Variants in LTBP1 observed in about 807,000 individuals in gnomAD.
LTBP1 encodes latent-transforming growth factor beta-binding protein 1.
In LTBP1, 129 loss-of-function variants were observed where a neutral mutation model predicts 207.6. That is an observed-to-expected ratio of 0.62 (90% CI 0.54 to 0.72). The LOEUF is 0.72. Among genes scored for constraint, LTBP1 ranks in the 30% least tolerant of loss-of-function variants. The pLI, the probability that LTBP1 is intolerant of heterozygous loss-of-function variation, is 0.00. For synonymous variants in LTBP1, 963 were observed against 833.7 expected, an observed-to-expected ratio of 1.16 and a Z score of -2.67; for missense variants, 2,281 against 2,217.2, an observed-to-expected ratio of 1.03 and a Z score of -0.58.
chr2:33,174,391 G>A (rs1424793456), intron 5 of LTBP1, among the ~76,000 whole-genome samples: 3 of 152,106 alleles, frequency 2.0e-5, no homozygotes, highest in Non-Finnish European at 4.4e-5. Context: ...AATCATGAGT[G>A]AACTCCCATT....
intron 2 of LTBP1, among the ~76,000 whole-genome samples, chr2:32,976,482 G>T (rs1207711542): frequency 1.3e-5 from 2 of 152,242 alleles, no homozygotes; most frequent in African/African-American, 4.8e-5. Context: ...ATTTTGGGCT[G>T]TGAGCCAGTA....
chr2:32,976,575 G>C (rs930231635), intron 2 of LTBP1, among the ~76,000 whole-genome samples: 4 of 152,214 alleles, frequency 2.6e-5, no homozygotes, highest in Non-Finnish European at 4.4e-5. Context: ...GGGTAGGAGT[G>C]CTCTATGTTG....
At chr2:33,033,110 ATATT>A (rs1010742496) in intron 3 of LTBP1, among the ~76,000 whole-genome samples, 1 of 152,220 alleles carries the variant, frequency 6.6e-6, no homozygotes, top group Non-Finnish European at 1.5e-5. Flanking sequence ...TATTTGTTGA[ATATT>A]TACTGTGTGC....
At chr2:33,108,854 T>G (rs1416583167) in intron 3 of LTBP1, among the ~76,000 whole-genome samples, 1 of 152,218 alleles carries the variant, frequency 6.6e-6, no homozygotes, top group Non-Finnish European at 1.5e-5. Flanking sequence ...CTGTTTCACT[T>G]GCTGCTCTAT....
intron 7 of LTBP1, among the ~76,000 whole-genome samples, chr2:33,199,021 C>A (rs1266850831): frequency 6.6e-6 from 1 of 152,046 alleles, no homozygotes; most frequent in Non-Finnish European, 1.5e-5. Context: ...TTCCTGCTTT[C>A]TCTTGTGGGC....
At chr2:33,290,275 C>G (rs138536535) in intron 19 of LTBP1, among the ~76,000 whole-genome samples, 16 of 152,330 alleles carry the variant, frequency 1.1e-4, no homozygotes, top group African/African-American at 3.6e-4. Flanking sequence ...CCTTGACAAC[C>G]AAGCCTCAAC....
intron 2 of LTBP1, among the ~76,000 whole-genome samples, chr2:32,980,137 A>G (rs1682537040): frequency 6.6e-6 from 1 of 151,944 alleles, no homozygotes; most frequent in South Asian, 2.1e-4. Context: ...TTGTCTTTTG[A>G]TGGAGAGTTT....
intron 31 of LTBP1, among the ~76,000 whole-genome samples, chr2:33,368,494 G>T (rs1261315175): frequency 2.0e-5 from 3 of 152,210 alleles, no homozygotes; most frequent in Non-Finnish European, 2.9e-5. Context: ...ATGCTGCAAT[G>T]AACCTCCATG....
intron 7 of LTBP1, among the ~76,000 whole-genome samples, chr2:33,199,462 A>T (rs1384107510): frequency 1.3e-5 from 2 of 152,194 alleles, no homozygotes; most frequent in African/African-American, 2.4e-5. Context: ...TTAGGTATTG[A>T]TGGGATGTAT....
chr2:33,176,461 G>C (rs531463189), intron 5 of LTBP1, among the ~76,000 whole-genome samples: 2 of 152,224 alleles, frequency 1.3e-5, no homozygotes, highest in African/African-American at 2.4e-5. Context: ...TCCTGACTTC[G>C]TCATCTGCCT....
At chr2:33,003,712 C>T (rs1211410909) in intron 2 of LTBP1, among the ~76,000 whole-genome samples, 1 of 152,142 alleles carries the variant, frequency 6.6e-6, no homozygotes, top group Non-Finnish European at 1.5e-5. Flanking sequence ...TGGTAAGAGG[C>T]ATGAAAGTTG....
intron 7 of LTBP1, among the ~76,000 whole-genome samples, chr2:33,209,590 T>A (rs1357079400): frequency 6.6e-6 from 1 of 152,244 alleles, no homozygotes; most frequent in Non-Finnish European, 1.5e-5. Context: ...GAGTATTTCT[T>A]TACTAGCCAG....
At chr2:33,221,259 A>G (rs2091082023) in intron 8 of LTBP1, among the ~76,000 whole-genome samples, 1 of 152,188 alleles carries the variant, frequency 6.6e-6, no homozygotes, top group South Asian at 2.1e-4. Context: ...CCTGCTCAGT[A>G]GATGGGAATT....
At chr2:33,239,071 AG>A (rs893726018) in intron 9 of LTBP1, among the ~76,000 whole-genome samples, 43 of 152,236 alleles carry the variant, frequency 2.8e-4, no homozygotes, top group African/African-American at 9.9e-4. Flanking sequence ...CCATTTTAGA[AG>A]AAGAGCAGTT....
At chr2:32,991,300 T>G (rs1684375547) in intron 2 of LTBP1, among the ~76,000 whole-genome samples, 1 of 152,234 alleles carries the variant, frequency 6.6e-6, no homozygotes, top group Non-Finnish European at 1.5e-5. Flanking sequence ...TCATACTTTT[T>G]GGCTCATTAC....
At chr2:33,215,002 C>T (rs561317799) in intron 7 of LTBP1, among the ~76,000 whole-genome samples, 3 of 151,834 alleles carry the variant, frequency 2.0e-5, no homozygotes, top group South Asian at 2.1e-4. Flanking sequence ...CTGGTACTTT[C>T]GAGAGGGCAA....
intron 26 of LTBP1, among the ~76,000 whole-genome samples, chr2:33,351,393 C>T (rs536539113): frequency 6.6e-6 from 1 of 152,334 alleles, no homozygotes; most frequent in South Asian, 2.1e-4. Context: ...CTGAGGACAA[C>T]AAGACATCAA....
chr2:33,373,548 T>C (rs1188703862), intron 31 of LTBP1, among the ~76,000 whole-genome samples: 1 of 152,188 alleles, frequency 6.6e-6, no homozygotes, highest in Non-Finnish European at 1.5e-5. Context: ...GACTGTGCTA[T>C]AGGGGAATAG....
intron 24 of LTBP1, among the ~76,000 whole-genome samples, chr2:33,327,239 CTT>C (rs2094439546): frequency 6.6e-6 from 1 of 152,156 alleles, no homozygotes; most frequent in African/African-American, 2.4e-5. Flanking sequence ...TATGACCTAT[CTT>C]TTGAACATGA....
Sources: allele counts gnomAD v4.1 joint callset (sites outside exome capture counted in the v4.1 genomes callset), GRCh38; gene constraint gnomAD v4.1.1; transcripts MANE v1.5; gene names NCBI Gene and HGNC (gene_info 2026-07-23, HGNC 2026-07-21).